TMPRSS15: variants seen among roughly 807,000 people sequenced by gnomAD.
The protein encoded by TMPRSS15 is enteropeptidase.
TMPRSS15 carries 128 observed loss-of-function variants against 125.3 expected under a neutral mutation model. That is an observed-to-expected ratio of 1.02 (90% CI 0.89 to 1.18). The LOEUF is 1.18. TMPRSS15 is among the 50% of genes most tolerant of loss of function. The pLI is 0.00. For missense variants in TMPRSS15, 1,283 were observed against 1,212.7 expected (o/e 1.06, Z -0.86); for synonymous variants, 446 against 423.2 (o/e 1.05, Z -0.66).
chr21:18,358,382 T>C lies in TMPRSS15; in HGVS notation c.880+1375A>G, dbSNP rs866625354. Reference sequence around the variant, plus strand: ...ACACAGTGTAGGTGAAAATATATGGTAAAGTTTATTAATGTCACATTAGTC... The same window carrying C: ...ACACAGTGTAGGTGAAAATATATGGCAAAGTTTATTAATGTCACATTAGTC... On this transcript the variant is annotated intron_variant, in intron 8 of 24. Coordinates refer to ENST00000284885, the MANE Select transcript of TMPRSS15 (RefSeq NM_002772.3). 2.0e-5 allele frequency among the ~76,000 whole-genome samples: 3 copies of C among 151,878 alleles called. No homozygotes were observed. The South Asian group carries it at 6.2e-4, about 31-fold the overall frequency.
At chr21:18,453,231 A>G (rs1395334093) in intron 1 of TMPRSS15, among the ~76,000 whole-genome samples, 1 of 152,208 alleles carries the variant, frequency 6.6e-6, no homozygotes, top group Non-Finnish European at 1.5e-5. Context: ...AAATCCAGGC[A>G]TCTGGATCTC....
chr21:18,410,955 A>G (rs2076164584), intron 1 of TMPRSS15, among the ~76,000 whole-genome samples: 1 of 152,164 alleles, frequency 6.6e-6, no homozygotes, highest in African/African-American at 2.4e-5. Flanking sequence ...TGCATGGACA[A>G]TATCATTAGT....
chr21:18,436,390 C>G (rs1164330317), intron 1 of TMPRSS15, among the ~76,000 whole-genome samples: 5 of 151,344 alleles, frequency 3.3e-5, no homozygotes, highest in Non-Finnish European at 3.0e-5. Flanking sequence ...TCGTTATGTA[C>G]CCAGTAGTCA....
chr21:18,390,688 C>T (rs2123090616), intron 3 of TMPRSS15, among the ~76,000 whole-genome samples: 1 of 152,172 alleles, frequency 6.6e-6, no homozygotes, highest in Non-Finnish European at 1.5e-5. Flanking sequence ...TTAAGTGTCC[C>T]AGGGAAGGCG....
intron 18 of TMPRSS15, among the ~76,000 whole-genome samples, chr21:18,307,559 T>G (rs1172690696): frequency 6.6e-6 from 1 of 152,180 alleles, no homozygotes; most frequent in Non-Finnish European, 1.5e-5. Flanking sequence ...AATGATCTAT[T>G]ATGTGTCTAT....
chr21:18,347,189 T>G (rs1203192419), intron 10 of TMPRSS15, among the ~76,000 whole-genome samples: 1 of 152,182 alleles, frequency 6.6e-6, no homozygotes, highest in Non-Finnish European at 1.5e-5. Flanking sequence ...TTTTGAATTC[T>G]CGGTGGCACT....
chr21:18,463,730 G>A (rs2122954077), intron 1 of TMPRSS15, among the ~76,000 whole-genome samples: 2 of 152,016 alleles, frequency 1.3e-5, no homozygotes, highest in African/African-American at 4.8e-5. Context: ...GCAAAAGAAT[G>A]GAAGTCATGA....
intron 21 of TMPRSS15, among the ~76,000 whole-genome samples, chr21:18,282,111 A>C (rs989510273): frequency 1.3e-5 from 2 of 150,936 alleles, no homozygotes; most frequent in Non-Finnish European, 3.0e-5. Flanking sequence ...AAAAAAAAAA[A>C]AAAAAAAAAA....
In TMPRSS15 at chr21:18,403,571, CA is replaced by C. The variant is rs1163941864; in HGVS notation, c.51del (p.Tyr17Ter). On this transcript the variant is annotated frameshift_variant, in exon 1 of 25. Coordinates refer to ENST00000284885, the MANE Select transcript of TMPRSS15 (RefSeq NM_002772.3). LOFTEE classifies it high-confidence loss of function. The part of the protein sequence containing the change: ...ISSRHHSLSS[Y>X]EIMFAALFAI... The stretch of plus-strand genomic sequence containing the variant: ...GCAAAGAGAGCTGCAAACATGATTT[CA>C]TAGGAGCTGAGAGAATGATGCCTAG... The C allele has an allele frequency of 6.2e-7, 1 of 1,614,142 alleles. No homozygotes were observed. The highest frequency in any genetic ancestry group is 1.3e-5 in the African/African-American group (1 of 75,058).
chr21:18,368,797 T>C (rs1479325052), intron 6 of TMPRSS15, among the ~76,000 whole-genome samples: 1 of 152,174 alleles, frequency 6.6e-6, no homozygotes, highest in Non-Finnish European at 1.5e-5. Flanking sequence ...TAGAGAATAT[T>C]CCTAAATGTA....
chr21:18,386,587 T>C (rs1365967220), intron 3 of TMPRSS15, among the ~76,000 whole-genome samples: 1 of 152,234 alleles, frequency 6.6e-6, no homozygotes, highest in Non-Finnish European at 1.5e-5. Context: ...TTCTTCCTTC[T>C]TCTTTTCCTC....
intron 1 of TMPRSS15, among the ~76,000 whole-genome samples, chr21:18,445,981 T>C (rs749130001): frequency 1.3e-5 from 2 of 152,094 alleles, no homozygotes; most frequent in Non-Finnish European, 2.9e-5. Flanking sequence ...GAGAAAGAAA[T>C]AAAGGGCATC....
At chr21:18,429,753 C>A (rs952330912) in intron 1 of TMPRSS15, among the ~76,000 whole-genome samples, 5 of 152,116 alleles carry the variant, frequency 3.3e-5, no homozygotes, top group Admixed American at 6.5e-5. Flanking sequence ...AATTAACATG[C>A]CTACGTAGAT....
intron 1 of TMPRSS15, among the ~76,000 whole-genome samples, chr21:18,458,241 G>A (rs920813564): frequency 6.6e-6 from 1 of 152,136 alleles, no homozygotes. Context: ...AAAATAATTG[G>A]GGAATTAGGG....
chr21:18,302,950 C>A (rs1438202177), intron 18 of TMPRSS15, among the ~76,000 whole-genome samples: 1 of 152,144 alleles, frequency 6.6e-6, no homozygotes, highest in African/African-American at 2.4e-5. Context: ...GGGCATATGA[C>A]ACACACCTCT....
At chr21:18,426,215 C>G (rs987460979) in intron 1 of TMPRSS15, among the ~76,000 whole-genome samples, 6 of 152,060 alleles carry the variant, frequency 3.9e-5, no homozygotes, top group African/African-American at 1.2e-4. Flanking sequence ...CTCACTTAAT[C>G]CTCATGTGTT....
chr21:18,448,015 A>T (rs1340067634), intron 1 of TMPRSS15, among the ~76,000 whole-genome samples: 1 of 152,194 alleles, frequency 6.6e-6, no homozygotes, highest in African/African-American at 2.4e-5. Context: ...ACTCTTGGTG[A>T]GAATGTAAAT....
intron 1 of TMPRSS15, among the ~76,000 whole-genome samples, chr21:18,443,734 G>C (rs187234303): frequency 6.6e-6 from 1 of 152,328 alleles, no homozygotes; most frequent in East Asian, 1.9e-4. Flanking sequence ...TCAGCCAGTG[G>C]CTGCAGCCTC....
chr21:18,299,429 C>T (rs2074940797), intron 18 of TMPRSS15, among the ~76,000 whole-genome samples: 1 of 152,136 alleles, frequency 6.6e-6, no homozygotes, highest in Non-Finnish European at 1.5e-5. Flanking sequence ...TGGTAGAAAT[C>T]CTCACAGTAA....
Sources: allele counts gnomAD v4.1 joint callset (sites outside exome capture counted in the v4.1 genomes callset), GRCh38; gene constraint gnomAD v4.1.1; transcripts MANE v1.5; gene names NCBI Gene and HGNC (gene_info 2026-07-23, HGNC 2026-07-21).